Variants in PTPRN2 observed in about 807,000 individuals in gnomAD.
The protein encoded by PTPRN2 is receptor-type tyrosine-protein phosphatase N2.
In PTPRN2, 74 loss-of-function variants were observed where a neutral mutation model predicts 118.8. The observed-to-expected ratio is 0.62, with a 90% CI of 0.52 to 0.76. The LOEUF (loss-of-function observed/expected upper bound fraction) is 0.76, where lower values mean the gene tolerates loss of function less well. PTPRN2 is among the 30% of genes least tolerant of loss of function. PTPRN2 has a pLI of 0.00. For synonymous variants in PTPRN2, 641 were observed against 608.0 expected (o/e 1.05, Z -0.80); for missense variants, 1,481 against 1,394.4 (o/e 1.06, Z -0.99).
chr7:157,705,264 C>A (rs931150330), intron 12 of PTPRN2, among the ~76,000 whole-genome samples: 6 of 152,228 alleles, frequency 3.9e-5, no homozygotes, highest in Non-Finnish European at 7.3e-5. Flanking sequence ...CGAGATTGTA[C>A]CACTGCACTC....
intron 11 of PTPRN2, among the ~76,000 whole-genome samples, chr7:157,918,064 C>G (rs1191207066): frequency 1.3e-5 from 2 of 152,148 alleles, no homozygotes; most frequent in Non-Finnish European, 2.9e-5. Context: ...AAGATTCTTC[C>G]TGGACGCACT....
chr7:158,572,198 T>C (rs114146290), intron 1 of PTPRN2, among the ~76,000 whole-genome samples: 1,526 of 152,322 alleles, frequency 0.01, 20 homozygotes, highest in African/African-American at 0.035. Flanking sequence ...AAAAGAGGTT[T>C]CTCTGTCTGG....
At chr7:158,280,908 G>A (rs1283464117) in intron 3 of PTPRN2, among the ~76,000 whole-genome samples, 1 of 152,232 alleles carries the variant, frequency 6.6e-6, no homozygotes, top group Non-Finnish European at 1.5e-5. Flanking sequence ...GCCAGGCCCT[G>A]CGCCGGCCCA....
At chr7:158,278,129 C>G (rs1051019183) in intron 3 of PTPRN2, among the ~76,000 whole-genome samples, 12 of 152,174 alleles carry the variant, frequency 7.9e-5, no homozygotes, top group Non-Finnish European at 5.9e-5. Context: ...GCCTGCCCCA[C>G]CAGCCTCAGC....
chr7:157,635,769 T>C lies in PTPRN2; in HGVS notation c.2197-14260A>G, dbSNP rs932899107. 2.6e-5 allele frequency among the ~76,000 whole-genome samples: 4 copies of C among 152,218 alleles called. No homozygotes were observed. In the South Asian group the frequency reaches 6.2e-4, roughly 24 times the overall value. On this transcript the variant is annotated intron_variant, in intron 14 of 22. Transcript: ENST00000389418. ...CAGACTCTCACCCCAGCCAGGATAT[T>C]TGGATTTTCTATAATTTTCTCCTAT...
chr7:157,647,061 C>T (rs1223826885), intron 14 of PTPRN2, among the ~76,000 whole-genome samples: 54 of 144,298 alleles, frequency 3.7e-4, no homozygotes, highest in East Asian at 1.2e-3. Context: ...GCACTGAACT[C>T]GGTGGGTCGG....
At chr7:158,479,777 C>T (rs1258290748) in intron 2 of PTPRN2, among the ~76,000 whole-genome samples, 2 of 152,200 alleles carry the variant, frequency 1.3e-5, no homozygotes, top group African/African-American at 4.8e-5. Flanking sequence ...CTTGCATTCC[C>T]GGACCCTCCA....
At chr7:158,021,289 T>C (rs777497920) in intron 11 of PTPRN2, among the ~76,000 whole-genome samples, 5 of 152,148 alleles carry the variant, frequency 3.3e-5, no homozygotes, top group African/African-American at 4.8e-5. Flanking sequence ...ACAGTAATTA[T>C]AAGGGAAAAC....
At chr7:158,553,557 C>T (rs1429264440) in intron 1 of PTPRN2, among the ~76,000 whole-genome samples, 1 of 151,658 alleles carries the variant, frequency 6.6e-6, no homozygotes, top group Non-Finnish European at 1.5e-5. Flanking sequence ...TCTACACATG[C>T]ACAGGCTTGG....
In PTPRN2 at chr7:158,557,123, CGCAGGGCAGGCGGCTCCCGG is replaced by C. The variant is rs1563431751; in HGVS notation, c.112+30415_112+30434del. On this transcript the variant is annotated intron_variant, in intron 1 of 22. Transcript: ENST00000389418. The stretch of plus-strand genomic sequence containing the variant: ...GTCGCTCCTGGGCAGGTCGCTCCCG[CGCAGGGCAGGCGGCTCCCGG>C]GCAGGGCAGGCGGCTCCCACGCAGG... Among the ~76,000 whole-genome samples the C allele has an allele frequency of 7.2e-5, 9 of 124,344 alleles. No homozygotes were observed. The South Asian group carries it at 2.2e-3, about 31-fold the overall frequency. The allele number at this position is 124,344 out of a possible 152,430, so 81.6% of individuals were successfully genotyped here.
At chr7:157,952,591 G>A (rs1207960314) in intron 11 of PTPRN2, among the ~76,000 whole-genome samples, 1 of 152,058 alleles carries the variant, frequency 6.6e-6, no homozygotes, top group Non-Finnish European at 1.5e-5. Context: ...TGGGTCTAGG[G>A]GTGAGGGAGC....
At chr7:158,171,655 C>G (rs565242980) in intron 5 of PTPRN2, among the ~76,000 whole-genome samples, 5 of 151,916 alleles carry the variant, frequency 3.3e-5, no homozygotes, top group Admixed American at 6.6e-5. Flanking sequence ...CCAGCCTATA[C>G]CTTCATATTC....
intron 14 of PTPRN2, among the ~76,000 whole-genome samples, chr7:157,637,484 G>A (rs1038428004): frequency 5.3e-5 from 8 of 152,242 alleles, no homozygotes; most frequent in South Asian, 2.1e-4. Context: ...GGCGGTTTCC[G>A]TAAGATCCCT....
At chr7:158,097,713 T>C (rs1389093391) in intron 10 of PTPRN2, among the ~76,000 whole-genome samples, 1 of 152,252 alleles carries the variant, frequency 6.6e-6, no homozygotes, top group Non-Finnish European at 1.5e-5. Flanking sequence ...AAAACCCGGC[T>C]GCGGTCACTG....
chr7:157,673,846 C>G (rs1385698653), intron 13 of PTPRN2, among the ~76,000 whole-genome samples: 3 of 152,044 alleles, frequency 2.0e-5, no homozygotes, highest in Admixed American at 6.6e-5. Context: ...CAGGGCTCCC[C>G]TAGGGTCACA....
intron 12 of PTPRN2, among the ~76,000 whole-genome samples, chr7:157,704,684 C>A (rs1798240778): frequency 6.6e-6 from 1 of 152,182 alleles, no homozygotes; most frequent in African/African-American, 2.4e-5. Context: ...CCTGAGGAAG[C>A]CCCAGGACAG....
chr7:157,918,423 G>A (rs752514290), intron 11 of PTPRN2, among the ~76,000 whole-genome samples: 7 of 152,262 alleles, frequency 4.6e-5, no homozygotes, highest in African/African-American at 1.4e-4. Context: ...GGGAAGCTGA[G>A]GAGCTGGAAG....
In PTPRN2 at chr7:157,870,682, T is replaced by G. The variant is rs75499030; in HGVS notation, c.1788+27991A>C. Among the ~76,000 whole-genome samples, 1,106 of 152,304 alleles carry G rather than the reference T, an allele frequency of 7.3e-3. 55 individuals carry two copies. The East Asian group carries it at 0.13, about 18-fold the overall frequency. On this transcript the variant is annotated intron_variant, in intron 12 of 22. Transcript: ENST00000389418. ...GATCCACATTTTCCATGGACCTTCT[T>G]CAGAATCTCTTCCATAACAAGCCTG...
At chr7:158,046,508 T>C (rs1808889539) in intron 11 of PTPRN2, among the ~76,000 whole-genome samples, 1 of 152,182 alleles carries the variant, frequency 6.6e-6, no homozygotes, top group Non-Finnish European at 1.5e-5. Context: ...TTCTGTGCAC[T>C]GCCCTTCAGG....
Sources: gnomAD v4.1 joint callset for allele counts (sites outside exome capture counted in the v4.1 genomes callset) on GRCh38, gnomAD v4.1.1 for gene constraint, MANE v1.5 for transcripts, NCBI Gene and HGNC (gene_info 2026-07-23, HGNC 2026-07-21) for gene names.